TTC3: variants seen among roughly 807,000 people sequenced by gnomAD.
TTC3 encodes E3 ubiquitin-protein ligase TTC3.
Under a neutral mutation model 249.6 loss-of-function variants are expected in TTC3, and 180 were observed. The observed-to-expected ratio is 0.72, with a 90% CI of 0.64 to 0.82. TTC3 has a LOEUF of 0.82. Among genes scored for constraint, TTC3 ranks in the 40% least tolerant of loss-of-function variants. The pLI is 0.00. For missense variants in TTC3, 2,061 were observed against 2,398.4 expected (o/e 0.86, Z 2.94); for synonymous variants, 717 against 805.0 (o/e 0.89, Z 1.85).
At chr21:37,117,241 T>C (rs1029742444) in intron 11 of TTC3, among the ~76,000 whole-genome samples, 3 of 152,210 alleles carry the variant, frequency 2.0e-5, no homozygotes, top group Non-Finnish European at 4.4e-5. Flanking sequence ...CCAGGTGGAC[T>C]TCTGCATCCA....
chr21:37,136,600 C>G (rs1372774916), intron 18 of TTC3, among the ~76,000 whole-genome samples: 1 of 152,158 alleles, frequency 6.6e-6, no homozygotes, highest in Non-Finnish European at 1.5e-5. Flanking sequence ...TTGAAACTAG[C>G]AGAAGTTGGT....
chr21:37,138,705 A>T, exon 19 of TTC3: 1 of 1,608,754 alleles, frequency 6.2e-7, no homozygotes, highest in Non-Finnish European at 8.5e-7. Context: ...TTGGAATAGG[A>T]CAGCCTGAGG....
chr21:37,117,924 T>G (rs1314286337), intron 11 of TTC3, among the ~76,000 whole-genome samples: 3 of 151,980 alleles, frequency 2.0e-5, no homozygotes, highest in Non-Finnish European at 4.4e-5. Flanking sequence ...GCTTAGTTTC[T>G]TAAACAAAAT....
chr21:37,169,468 T>TGGGAGGCGGAGGTTGCA (rs1270170061), intron 34 of TTC3, among the ~76,000 whole-genome samples: 1 of 147,182 alleles, frequency 6.8e-6, no homozygotes, highest in African/African-American at 2.5e-5. Flanking sequence ...TGCTTGAACC[T>TGGGAGGCGGAGGTTGCA]GGGAGGCGGA....
chr21:37,123,995 C>T (rs540726082), intron 13 of TTC3, among the ~76,000 whole-genome samples: 5 of 151,938 alleles, frequency 3.3e-5, no homozygotes, highest in African/African-American at 9.7e-5. Context: ...GTGATCCGCT[C>T]GCCTTGGCCT....
At chr21:37,153,101 A>T in exon 27 of TTC3, 1 of 1,613,804 alleles carries the variant, frequency 6.2e-7, no homozygotes, top group Non-Finnish European at 8.5e-7. Context: ...AGCACAGAAG[A>T]CTATACAACC....
chr21:37,139,692 C>T (rs1004704159), intron 19 of TTC3, among the ~76,000 whole-genome samples: 1 of 152,066 alleles, frequency 6.6e-6, no homozygotes, highest in African/African-American at 2.4e-5. Context: ...GACAGAACTT[C>T]ATGATTTTCA....
intron 45 of TTC3, among the ~76,000 whole-genome samples, chr21:37,200,802 C>T (rs551371216): frequency 5.3e-5 from 8 of 152,266 alleles, no homozygotes; most frequent in East Asian, 3.9e-4. Context: ...TTCTAGGTAC[C>T]GTGAGCATTT....
chr21:37,142,281 T>A (rs1222399669), intron 20 of TTC3, among the ~76,000 whole-genome samples: 10 of 152,076 alleles, frequency 6.6e-5, no homozygotes, highest in African/African-American at 2.4e-4. Flanking sequence ...AAAGAAAGGG[T>A]ATTCAATTAG....
chr21:37,135,610 C>T (rs1414613717), intron 18 of TTC3, 96 bp downstream of exon 18: 1 of 1,414,790 alleles, frequency 7.1e-7, no homozygotes, highest in Non-Finnish European at 9.5e-7. Context: ...AGTAATGTAC[C>T]TAAGACCTTG....
chr21:37,152,944 T>C lies in TTC3; in HGVS notation c.2414-7T>C. The C allele has an allele frequency of 6.4e-7, 1 of 1,565,190 alleles. No homozygotes were observed. On this transcript the variant is annotated splice_polypyrimidine_tract_variant and splice_region_variant and intron_variant, in intron 26 of 45. Transcript: ENST00000355666. ...TTATCACTTTAACCATTGTTATTTA[T>C]CCTTAGAAACTGTAGACAATGTTCA...
chr21:37,108,388 T>A lies in TTC3; in HGVS notation c.846-4T>A, dbSNP rs374850296. The A allele has an allele frequency of 1.9e-6, 3 of 1,607,190 alleles. No individual in the cohort carries two copies. In the African/African-American group the frequency reaches 4.0e-5, roughly 22 times the overall value. ...AATTTTTAAATACTTGTTTTTCCTT[T>A]TAGAAATGCACTCGGTGATGGAAAG... On this transcript the variant is annotated splice_region_variant and splice_polypyrimidine_tract_variant and intron_variant, in intron 10 of 45. Coordinates refer to ENST00000355666, the Ensembl canonical transcript of TTC3.
chr21:37,157,533 G>C (rs941058446), intron 28 of TTC3, among the ~76,000 whole-genome samples: 1 of 152,182 alleles, frequency 6.6e-6, no homozygotes, highest in Non-Finnish European at 1.5e-5. Flanking sequence ...ATACGGGAGG[G>C]CCAGAGAAGG....
intron 20 of TTC3, among the ~76,000 whole-genome samples, chr21:37,143,450 C>T (rs1601748959): frequency 6.6e-6 from 1 of 152,204 alleles, no homozygotes. Flanking sequence ...ACAGACACTT[C>T]TCAAAAGAAG....
intron 23 of TTC3, among the ~76,000 whole-genome samples, chr21:37,149,541 C>T (rs1222673532): frequency 7.2e-5 from 11 of 152,116 alleles, no homozygotes; most frequent in South Asian, 2.1e-4. Flanking sequence ...ATTTTAAATA[C>T]ACTCTGTAAA....
At chr21:37,088,993 T>A in intron 5 of TTC3, 107 bp downstream of exon 5, 1 of 1,017,720 alleles carries the variant, frequency 9.8e-7, no homozygotes, top group Non-Finnish European at 1.4e-6. Context: ...CAGGTAATGG[T>A]TTTAGTTTTG....
intron 28 of TTC3, 37 bp from the exon 29 acceptor site, chr21:37,159,662 T>G (rs776555532): frequency 3.1e-6 from 5 of 1,601,684 alleles, no homozygotes; most frequent in South Asian, 2.2e-5. Flanking sequence ...ATGTAAATAT[T>G]TAGTTTTCTC....
chr21:37,086,333 A>G (rs2072466771), intron 1 of TTC3: 2 of 152,168 alleles, frequency 1.3e-5, no homozygotes, highest in Non-Finnish European at 2.9e-5. Flanking sequence ...AAAGAAAGCC[A>G]TTATATGGGC....
intron 7 of TTC3, among the ~76,000 whole-genome samples, chr21:37,091,803 G>A (rs2073314153): frequency 1.3e-5 from 2 of 152,140 alleles, no homozygotes; most frequent in Admixed American, 6.5e-5. Context: ...GGTTGATCTC[G>A]ATCTCCTGAC....
Sources: gnomAD v4.1 joint callset for allele counts (sites outside exome capture counted in the v4.1 genomes callset) on GRCh38, gnomAD v4.1.1 for gene constraint, MANE v1.5 for transcripts, NCBI Gene and HGNC (gene_info 2026-07-23, HGNC 2026-07-21) for gene names.